DNAH8: variants seen among roughly 807,000 people sequenced by gnomAD.
The protein encoded by DNAH8 is dynein axonemal heavy chain 8.
In DNAH8, 382 loss-of-function variants were observed where a neutral mutation model predicts 562.1. The observed-to-expected ratio is 0.68, with a 90% CI of 0.63 to 0.74. The LOEUF is 0.74. Ranked by LOEUF, DNAH8 falls within the 30% of genes least tolerant of loss-of-function variation. DNAH8 has a pLI of 0.00. For synonymous variants in DNAH8, 1,881 were observed against 1,919.4 expected (o/e 0.98, Z 0.52); for missense variants, 5,203 against 5,620.4 (o/e 0.93, Z 2.37).
At position 38,911,601 on chromosome 6, in the gene DNAH8, AT is replaced by A; in HGVS notation, c.9859+16del. The A allele has an allele frequency of 6.9e-7, 1 of 1,453,764 alleles. No individual in the cohort carries two copies. Among genetic ancestry groups the A allele is most frequent in the Non-Finnish European group, 9.7e-7 (1 of 1,035,920 alleles). The allele number at this position is 1,453,764 out of a possible 1,614,324, so 90.1% of individuals were successfully genotyped here. ...TATGAATATTGGTAAGAGGAATGGA[AT>A]GGAATGGGATGGAATAGAAATAGGG... is the stretch of plus-strand genomic sequence containing the variant. On this transcript the variant is annotated intron_variant, in intron 66 of 92. Coordinates refer to ENST00000327475, the MANE Select transcript of DNAH8 (RefSeq NM_001206927.2).
At chr6:38,850,712 G>A (rs563361718) in intron 38 of DNAH8, among the ~76,000 whole-genome samples, 2 of 152,258 alleles carry the variant, frequency 1.3e-5, no homozygotes, top group African/African-American at 2.4e-5. Flanking sequence ...CAAGGTGTTG[G>A]CTCCCTCTGA....
chr6:38,994,600 T>A (rs1248740465), intron 88 of DNAH8, among the ~76,000 whole-genome samples: 1 of 152,046 alleles, frequency 6.6e-6, no homozygotes, highest in African/African-American at 2.4e-5. Flanking sequence ...GATGAAATTC[T>A]TTTTCAGAAT....
In DNAH8 at chr6:38,935,686, G is replaced by C. The variant is rs545841994; in HGVS notation, c.11552G>C (p.Ser3851Thr). 5.6e-6 allele frequency: 9 copies of C among 1,605,850 alleles called. No homozygotes were observed. The South Asian group carries it at 1.0e-4, about 18-fold the overall frequency. The change falls in exon 77 of 93, where the codon AGT (serine) becomes ACT (threonine). Residue 3851 changes from serine to threonine, a missense_variant. This residue lies in a region of DNAH8 where 1,399 missense variants were observed against 1,518.4 expected (regional missense o/e 0.92). Transcript: ENST00000327475. Reference sequence around the variant, plus strand: ...GAAGATAACCTCCTCTATAAATTAAGTGCTACAAAAGGTATTGTGTTATTA... The same window carrying C: ...GAAGATAACCTCCTCTATAAATTAACTGCTACAAAAGGTATTGTGTTATTA... ...ELEDNLLYKL[S>T]ATKGSLVDDE...
chr6:38,934,811 G>A (rs1193187476), intron 76 of DNAH8, among the ~76,000 whole-genome samples: 3 of 152,090 alleles, frequency 2.0e-5, no homozygotes, highest in Non-Finnish European at 4.4e-5. Flanking sequence ...ACATCCACGA[G>A]TGATTCAGCA....
rs1554163118 is a variant in DNAH8 at position 39,010,820 on chromosome 6, C to CACGTAT, written c.13372-1395_13372-1394insACGTAT. Among the ~76,000 whole-genome samples the CACGTAT allele has an allele frequency of 7.5e-3, 992 of 132,772 alleles. 12 individuals carry two copies. The highest frequency in any genetic ancestry group is 0.021 in the African/African-American group (723 of 34,734). 87.1% of individuals were successfully genotyped at this position (132,772 alleles called of 152,430 possible). A position where few individuals can be genotyped will look rare whatever the true frequency, so the allele number is the denominator to read the frequency against. On this transcript the variant is annotated intron_variant, in intron 89 of 92. Coordinates refer to ENST00000327475, the MANE Select transcript of DNAH8 (RefSeq NM_001206927.2). ...GTGTACGCACACACACACACACACA[C>CACGTAT]GTATGTATGTATGTATGTATGTATG...
At chr6:38,823,344 C>T (rs112488114) in intron 27 of DNAH8, among the ~76,000 whole-genome samples, 85 of 152,250 alleles carry the variant, frequency 5.6e-4, no homozygotes, top group African/African-American at 1.8e-3. Flanking sequence ...AGCTGTATTT[C>T]GGTTAGAGAC....
At chr6:38,929,016 C>A (rs1038631987) in intron 74 of DNAH8, among the ~76,000 whole-genome samples, 2 of 152,128 alleles carry the variant, frequency 1.3e-5, no homozygotes, top group African/African-American at 4.8e-5. Context: ...TAAATTCTTC[C>A]CAGTGCCAAT....
intron 30 of DNAH8, among the ~76,000 whole-genome samples, chr6:38,828,541 G>T (rs960262644): frequency 1.3e-5 from 2 of 152,088 alleles, no homozygotes; most frequent in African/African-American, 4.8e-5. Flanking sequence ...ATAGTAACAT[G>T]CTGTAGAGGT....
In DNAH8 at chr6:39,022,027, G is replaced by A. The variant is rs925553678; in HGVS notation, c.13715-4519G>A. On this transcript the variant is annotated intron_variant, in intron 91 of 92. Transcript: ENST00000327475. ...TTGGATTACTACTATTATAGGAATGGACACATAACAAGTGTTACTTTAGAC... is the reference window on the plus strand; with the variant it reads ...TTGGATTACTACTATTATAGGAATGAACACATAACAAGTGTTACTTTAGAC... Among the ~76,000 whole-genome samples the A allele has an allele frequency of 2.0e-5, 3 of 152,332 alleles. No individual in the cohort carries two copies. In the East Asian group the frequency reaches 5.8e-4, roughly 29 times the overall value.
intron 88 of DNAH8, among the ~76,000 whole-genome samples, chr6:38,992,049 T>C (rs1395798908): frequency 6.6e-6 from 1 of 151,952 alleles, no homozygotes; most frequent in African/African-American, 2.4e-5. Context: ...CACCACAATC[T>C]CCGCCTCTCA....
chr6:38,962,856 T>G (rs1044197006), intron 82 of DNAH8, among the ~76,000 whole-genome samples: 2 of 152,176 alleles, frequency 1.3e-5, no homozygotes, highest in African/African-American at 4.8e-5. Flanking sequence ...GAGACCATTA[T>G]TCTAAGTGAA....
Position 39,030,356 on chromosome 6 carries a change from C to T in DNAH8, c.14088C>T (p.Ile4696=), listed in dbSNP as rs1217557870. 1 of 1,614,030 alleles carries T rather than the reference C, an allele frequency of 6.2e-7. No individual in the cohort carries two copies. Among genetic ancestry groups the T allele is most frequent in the African/African-American group, 1.3e-5 (1 of 74,910 alleles). Reference sequence around the variant, plus strand: ...CAGTGTTGTCCCCGGATCACTGGATCCTGAGAGGAGTGGCCCTTTTGTGTG... The same window carrying T: ...CAGTGTTGTCCCCGGATCACTGGATTCTGAGAGGAGTGGCCCTTTTGTGTG... ...LRTVLSPDHW[I]LRGVALLCDI... Residue 4696 remains isoleucine (I), a synonymous_variant, in exon 93 of 93, where the codon ATC becomes ATT. Transcript: ENST00000327475.
intron 18 of DNAH8, among the ~76,000 whole-genome samples, chr6:38,789,187 G>A (rs969679317): frequency 1.3e-5 from 2 of 152,176 alleles, no homozygotes; most frequent in African/African-American, 4.8e-5. Context: ...AATGTATAAA[G>A]GGGAAAGAGG....
chr6:38,737,731 T>C, intron 6 of DNAH8, 78 bp from the exon 7 acceptor site: 1 of 617,114 alleles, frequency 1.6e-6, no homozygotes, highest in Non-Finnish European at 2.2e-6. Flanking sequence ...CTATTAAATA[T>C]TATTTAATAT....
At chr6:38,738,857 C>T (rs529159193) in intron 7 of DNAH8, among the ~76,000 whole-genome samples, 173 of 152,254 alleles carry the variant, frequency 1.1e-3, no homozygotes, top group Non-Finnish European at 2.3e-3. Flanking sequence ...CTGGATAACT[C>T]TTGCAGCCAC....
intron 44 of DNAH8, among the ~76,000 whole-genome samples, chr6:38,863,017 T>A (rs1776753972): frequency 6.6e-6 from 1 of 152,212 alleles, no homozygotes; most frequent in South Asian, 2.1e-4. Flanking sequence ...TTAAATGCCA[T>A]CTGTATGATG....
At chr6:38,929,719 A>G in intron 75 of DNAH8, 53 bp downstream of exon 75, 1 of 1,428,120 alleles carries the variant, frequency 7.0e-7, no homozygotes, top group East Asian at 2.5e-5. Context: ...AGAAAAAGAA[A>G]AAAAGAAAAA....
At chr6:38,871,539 A>G (rs9394546) in intron 49 of DNAH8, among the ~76,000 whole-genome samples, 28,222 of 152,130 alleles carry the variant, frequency 0.19, 3,315 homozygotes, top group East Asian at 0.36. Context: ...CTTTTAAACT[A>G]TAGTTTACAA....
At chr6:38,968,398 C>T (rs188767666) in intron 82 of DNAH8, among the ~76,000 whole-genome samples, 2 of 152,142 alleles carry the variant, frequency 1.3e-5, no homozygotes, top group East Asian at 1.9e-4. Context: ...TGTTAAGGGT[C>T]TAGTATCCAG....
Sources: allele counts gnomAD v4.1 joint callset (sites outside exome capture counted in the v4.1 genomes callset), GRCh38; gene constraint gnomAD v4.1.1; regional missense constraint gnomAD v4.1.1; transcripts MANE v1.5; gene names NCBI Gene and HGNC (gene_info 2026-07-23, HGNC 2026-07-21).